SPON1: variants seen among roughly 807,000 people sequenced by gnomAD.
The protein encoded by SPON1 is spondin 1.
A neutral mutation model predicts 111.7 loss-of-function variants in SPON1; 52 were observed. The ratio of observed to expected loss-of-function variants is 0.47; its 90% CI spans 0.37 to 0.59. The LOEUF is 0.59. Ranked by LOEUF, SPON1 falls within the 20% of genes least tolerant of loss-of-function variation. The pLI is 0.00. For missense variants in SPON1, 957 were observed against 1,068.5 expected, an observed-to-expected ratio of 0.90 and a Z score of 1.46; for synonymous variants, 410 against 395.8, an observed-to-expected ratio of 1.04 and a Z score of -0.43.
chr11:13,993,339 G>A (rs1192562854), intron 2 of SPON1, among the ~76,000 whole-genome samples: 2 of 151,846 alleles, frequency 1.3e-5, no homozygotes, highest in Non-Finnish European at 2.9e-5. Flanking sequence ...CACACTAGAT[G>A]TCAGAAAACA....
At chr11:14,262,547 GAA>G in intron 14 of SPON1, 163 bp from the exon 15 acceptor site, 1 of 878,816 alleles carries the variant, frequency 1.1e-6, no homozygotes, top group Non-Finnish European at 1.7e-6. Context: ...CACACGGGCT[GAA>G]GTCAGCCTGC....
intron 6 of SPON1, among the ~76,000 whole-genome samples, chr11:14,168,722 A>G (rs1848062988): frequency 2.0e-5 from 3 of 148,076 alleles, no homozygotes; most frequent in South Asian, 4.3e-4. Context: ...TCATTGTTCA[A>G]TTCCCACCTA....
At chr11:14,160,472 T>C (rs1176845839) in intron 6 of SPON1, among the ~76,000 whole-genome samples, 7 of 12,586 alleles carry the variant, frequency 5.6e-4, no homozygotes, top group South Asian at 4.6e-3. Context: ...TATATATTTA[T>C]ATATATATTT....
intron 6 of SPON1, among the ~76,000 whole-genome samples, chr11:14,147,352 T>C (rs1847733677): frequency 6.6e-6 from 1 of 151,666 alleles, no homozygotes; most frequent in South Asian, 2.1e-4. Context: ...TTTTATAACC[T>C]AGAACAAAGC....
chr11:14,095,866 A>G lies in SPON1; in HGVS notation c.676+15845A>G, dbSNP rs117902366. ...CTGACACATAAAATGAACCATCACA[A>G]ACATACAATGAACAATAATCCCACT... On this transcript the variant is annotated intron_variant, in intron 5 of 15. Coordinates refer to ENST00000576479, the MANE Select transcript of SPON1 (RefSeq NM_006108.4). Among the ~76,000 whole-genome samples the G allele has an allele frequency of 3.6e-3, 547 of 152,314 alleles. 2 individuals carry two copies. The highest frequency in any genetic ancestry group is 5.5e-3 in the Admixed American group (84 of 15,306).
At chr11:14,210,168 G>A (rs1848559499) in intron 6 of SPON1, among the ~76,000 whole-genome samples, 1 of 152,058 alleles carries the variant, frequency 6.6e-6, no homozygotes, top group Admixed American at 6.6e-5. Flanking sequence ...TTAGACCTTT[G>A]TCAGATGGAT....
In SPON1 at chr11:14,160,907, A is replaced by T. The variant is rs1208680534; in HGVS notation, c.825+25339A>T. The stretch of plus-strand genomic sequence containing the variant: ...TATATTTATATATATTTATATATTT[A>T]TATATATATTTATATATTTATATAT... On this transcript the variant is annotated intron_variant, in intron 6 of 15. Transcript: ENST00000576479. Among the ~76,000 whole-genome samples the T allele has an allele frequency of 7.3e-4, 23 of 31,708 alleles. 3 individuals carry two copies. Among genetic ancestry groups the T allele is most frequent in the African/African-American group, 2.9e-3 (21 of 7,242 alleles). The allele number at this position is 31,708 out of a possible 152,430, so 20.8% of individuals were successfully genotyped here.
At chr11:14,212,627 G>A (rs1848588135) in intron 6 of SPON1, among the ~76,000 whole-genome samples, 1 of 152,282 alleles carries the variant, frequency 6.6e-6, no homozygotes, top group East Asian at 1.9e-4. Flanking sequence ...GTATAGGATT[G>A]CTGTGAGGAT....
At position 14,260,671 on chromosome 11, in the gene SPON1, C is replaced by T. The variant is rs1443350370; in HGVS notation, c.1915C>T (p.Arg639Trp). ...CGGGAAGGGCATGCGAACCCGACAG[C>T]GGATGCTCAAGTCTCTGGCAGAACT... ...TCGKGMRTRQ[R>W]MLKSLAELGD... The change falls in exon 14 of 16, where the codon CGG becomes TGG. Residue 639 changes from arginine (R) to tryptophan (W), a missense_variant. By Grantham distance (101) the Arg-to-Trp change is moderately radical (BLOSUM62 -3). Around this residue, in one of 5 missense-constraint regions of SPON1, gnomAD observed 549 missense variants for 606.2 expected, o/e 0.91. Coordinates refer to ENST00000576479, the MANE Select transcript of SPON1 (RefSeq NM_006108.4). 2.5e-6 allele frequency: 4 copies of T among 1,613,982 alleles called. No individual in the cohort carries two copies. The highest frequency in any genetic ancestry group is 1.7e-5 in the Admixed American group (1 of 60,020).
intron 2 of SPON1, among the ~76,000 whole-genome samples, chr11:14,027,229 G>C (rs922245537): frequency 6.6e-6 from 1 of 152,214 alleles, no homozygotes; most frequent in Non-Finnish European, 1.5e-5. Context: ...AATCTGGCTA[G>C]GAACAGTTTT....
At chr11:14,257,921 CCAGGGGCTGG>C in intron 11 of SPON1, 23 bp downstream of exon 11, 2 of 1,506,054 alleles carry the variant, frequency 1.3e-6, no homozygotes, top group Non-Finnish European at 1.8e-6. Context: ...CCCAGACCAG[CCAGGGGCTGG>C]CAGGAGTTCA....
At chr11:14,000,467 G>A (rs2697852) in intron 2 of SPON1, among the ~76,000 whole-genome samples, 113,296 of 152,146 alleles carry the variant, frequency 0.74, 42,404 homozygotes, top group East Asian at 0.81. Context: ...CAAGGGTATT[G>A]CTTTGTTCAG....
chr11:14,220,553 C>G (rs1554937503), intron 6 of SPON1, among the ~76,000 whole-genome samples: 1 of 152,034 alleles, frequency 6.6e-6, no homozygotes, highest in Admixed American at 6.6e-5. Context: ...TTCAAATTGC[C>G]TGATAATAGA....
At chr11:14,099,863 C>T (rs1481037567) in intron 5 of SPON1, among the ~76,000 whole-genome samples, 2 of 152,046 alleles carry the variant, frequency 1.3e-5, no homozygotes, top group Non-Finnish European at 2.9e-5. Context: ...TGATGTCATA[C>T]GGTGAGAGAA....
At chr11:13,983,494 C>T (rs896051936) in intron 2 of SPON1, among the ~76,000 whole-genome samples, 1 of 152,164 alleles carries the variant, frequency 6.6e-6, no homozygotes, top group African/African-American at 2.4e-5. Flanking sequence ...CACAGAACAA[C>T]CTCCTCAAGG....
intron 4 of SPON1, 25 bp downstream of exon 4, chr11:14,075,443 G>C: frequency 6.6e-7 from 1 of 1,512,174 alleles, no homozygotes; most frequent in South Asian, 1.2e-5. Flanking sequence ...GTGGGGAGGG[G>C]GAGGGGCAGA....
chr11:13,966,607 A>G (rs1346344625), intron 1 of SPON1, among the ~76,000 whole-genome samples: 3 of 152,236 alleles, frequency 2.0e-5, no homozygotes, highest in African/African-American at 7.2e-5. Context: ...AACTTCAAGC[A>G]TAATTGAGGG....
intron 7 of SPON1, among the ~76,000 whole-genome samples, chr11:14,248,847 T>C (rs1284035366): frequency 2.6e-5 from 4 of 152,172 alleles, no homozygotes; most frequent in Admixed American, 6.5e-5. Flanking sequence ...AGGACAGCCA[T>C]GAATGAGCAA....
chr11:14,030,842 A>T (rs1297762374), intron 2 of SPON1, among the ~76,000 whole-genome samples: 2 of 152,262 alleles, frequency 1.3e-5, no homozygotes, highest in African/African-American at 4.8e-5. Flanking sequence ...TGTTCCAGCA[A>T]TCCCATTACT....
Sources: allele counts gnomAD v4.1 joint callset (sites outside exome capture counted in the v4.1 genomes callset), GRCh38; gene constraint gnomAD v4.1.1; regional missense constraint gnomAD v4.1.1; transcripts MANE v1.5; gene names NCBI Gene and HGNC (gene_info 2026-07-23, HGNC 2026-07-21).